The following POMT1 variants were observed in gnomAD, a reference collection of about 807,000 sequenced individuals.
The protein encoded by POMT1 is protein O-mannosyltransferase 1, also known as protein O-mannosyl-transferase 1.
POMT1 carries 85 observed loss-of-function variants against 101.6 expected under a neutral mutation model. The ratio of observed to expected loss-of-function variants is 0.84; its 90% CI spans 0.70 to 1.00. POMT1 has a LOEUF of 1.00. Ranked by LOEUF, POMT1 falls within the 50% of genes least tolerant of loss-of-function variation. POMT1 has a pLI of 0.00. For synonymous variants in POMT1, 371 were observed against 383.0 expected (o/e 0.97, Z 0.37); for missense variants, 857 against 930.4 (o/e 0.92, Z 1.03).
In POMT1 at chr9:131,503,551, C is replaced by T. The variant is rs1280172822; in HGVS notation, c.-31+478C>T. ...CCAGCGGGGCGCCAACGGCCAGATG[C>T]GGCTTTGGTGTGAGACAGGGTGTCC... On this transcript the variant is annotated intron_variant, in intron 1 of 19. Transcript: ENST00000402686. The surrounding 1 kb of genome is among the most constrained non-coding windows in gnomAD (Gnocchi z 4.4). Among the ~76,000 whole-genome samples, 3 of 152,164 alleles carry T rather than the reference C, an allele frequency of 2.0e-5. No individual in the cohort carries two copies. The East Asian group carries it at 5.8e-4, about 29-fold the overall frequency.
intron 2 of POMT1, among the ~76,000 whole-genome samples, chr9:131,504,755 A>ATG (rs1049729805): frequency 0.019 from 2,772 of 148,830 alleles, 89 homozygotes; most frequent in African/African-American, 0.065. Context: ...TAATGTGTGT[A>ATG]TGTGTGTGTG....
chr9:131,517,516 C>T (rs1226257158), intron 13 of POMT1, among the ~76,000 whole-genome samples: 1 of 152,104 alleles, frequency 6.6e-6, no homozygotes, highest in Admixed American at 6.5e-5. Context: ...GGACTCAAGC[C>T]GTCCTCTTAC....
At position 131,520,125 on chromosome 9, in the gene POMT1, A is replaced by C. The variant is rs1949617524; in HGVS notation, c.1630A>C (p.Ser544Arg). 3 of 1,613,866 alleles carry C rather than the reference A, an allele frequency of 1.9e-6. No homozygotes were observed. Among genetic ancestry groups the C allele is most frequent in the Non-Finnish European group, 2.5e-6 (3 of 1,180,020 alleles). ...LRSDDSEHKY[S>R]SSPLEWVTLD... The stretch of plus-strand genomic sequence containing the variant: ...AAGTGATGACTCGGAACACAAGTAC[A>C]GCTCCAGCCCACTGGAGTGGGTCAC... The change falls in exon 17 of 20, where the codon AGC becomes CGC. Residue 544 changes from serine (S) to arginine (R), a missense_variant. Ser to Arg is a moderately radical substitution (Grantham distance 110). Transcript: ENST00000402686.
chr9:131,504,793 T>TGTGTGTG (rs1945412352), intron 2 of POMT1, among the ~76,000 whole-genome samples: 1 of 72,154 alleles, frequency 1.4e-5, no homozygotes, highest in African/African-American at 4.1e-5. Flanking sequence ...GTGTGTGTGT[T>TGTGTGTG]TTTGAGACGG....
At position 131,503,671 on chromosome 9, in the gene POMT1, C is replaced by T. The variant is rs551325143; in HGVS notation, c.-30-518C>T. 6.6e-6 allele frequency among the ~76,000 whole-genome samples: 1 copy of T among 152,238 alleles called. No individual in the cohort carries two copies. Among genetic ancestry groups the T allele is most frequent in the South Asian group, 2.1e-4 (1 of 4,822 alleles). On this transcript the variant is annotated intron_variant, in intron 1 of 19. Transcript: ENST00000402686. The surrounding 1 kb of genome is among the most constrained non-coding windows in gnomAD (Gnocchi z 4.4). ...GCAGGGTGCAAATGCACCCTCCAGGCGAGAAAGGGAGCACCCGGGGATGAT... is the reference window on the plus strand; with the variant it reads ...GCAGGGTGCAAATGCACCCTCCAGGTGAGAAAGGGAGCACCCGGGGATGAT...
intron 18 of POMT1, 89 bp from the exon 19 acceptor site, chr9:131,521,958 A>G: frequency 1.3e-6 from 2 of 1,596,136 alleles, no homozygotes; most frequent in Admixed American, 1.7e-5. Context: ...GCAACATAGT[A>G]AGAACCCTCT....
intron 12 of POMT1, 32 bp from the exon 13 acceptor site, chr9:131,515,394 A>G: frequency 6.2e-7 from 1 of 1,604,988 alleles, no homozygotes; most frequent in South Asian, 1.1e-5. Flanking sequence ...GAGTTCAAGG[A>G]ATTTTCTGAA....
chr9:131,520,029 A>T, intron 16 of POMT1, 51 bp from the exon 17 acceptor site: 3 of 1,464,910 alleles, frequency 2.0e-6, no homozygotes, highest in Non-Finnish European at 2.9e-6. Context: ...ATCCACGCAC[A>T]GCGGGAGGCA....
chr9:131,523,609 G>T lies in POMT1; in HGVS notation c.*503G>T, dbSNP rs1165403282. 9.1e-6 allele frequency: 2 copies of T among 219,636 alleles called. No individual in the cohort carries two copies. The highest frequency in any genetic ancestry group is 1.8e-5 in the Non-Finnish European group (2 of 108,616). 13.6% of individuals were successfully genotyped at this position (219,636 alleles called of 1,614,324 possible). ...ACCTGAACCACGAGCCAGGGCTGGG[G>T]CTTGCATGTCATTGTCTATGACAGC... On this transcript the variant is annotated 3_prime_UTR_variant, in exon 20 of 20. Transcript: ENST00000402686.
In POMT1 at chr9:131,523,474, A is replaced by C; in HGVS notation, c.*368A>C. 3.0e-6 allele frequency: 1 copy of C among 330,718 alleles called. No homozygotes were observed. The allele number at this position is 330,718 out of a possible 1,614,324, so 20.5% of individuals were successfully genotyped here. Reference sequence around the variant, plus strand: ...GCTAACTGCTGCAGGGTGGAGTTTGATCTGGCAGACCCGATCCTCCTTCAT... The same window carrying C: ...GCTAACTGCTGCAGGGTGGAGTTTGCTCTGGCAGACCCGATCCTCCTTCAT... On this transcript the variant is annotated 3_prime_UTR_variant, in exon 20 of 20. Coordinates refer to ENST00000402686, the MANE Select transcript of POMT1 (RefSeq NM_001077365.2).
At chr9:131,504,399 C>T in intron 2 of POMT1, 59 bp downstream of exon 2, 2 of 1,612,760 alleles carry the variant, frequency 1.2e-6, no homozygotes, top group South Asian at 2.2e-5. Context: ...TGACAGGAGG[C>T]GCCCTTACTG....
In POMT1 at chr9:131,502,977, G is replaced by T. The variant is rs866051458; in HGVS notation, c.-127G>T. The T allele has an allele frequency of 6.6e-6, 1 of 152,314 alleles. No homozygotes were observed. Among genetic ancestry groups the T allele is most frequent in the Non-Finnish European group, 1.5e-5 (1 of 68,116 alleles). The allele number at this position is 152,314 out of a possible 1,614,324, so 9.4% of individuals were successfully genotyped here. A position where few individuals can be genotyped will look rare whatever the true frequency, so the allele number is the denominator to read the frequency against. On this transcript the variant is annotated 5_prime_UTR_variant, in exon 1 of 20. Transcript: ENST00000402686. ...AGCAGGGCGGTGGGTGGTGCGGAGT[G>T]CCGAGCGGCCTCACCCCCAACCGTC...
intron 13 of POMT1, 65 bp from the exon 14 acceptor site, chr9:131,518,380 C>A: frequency 7.3e-7 from 1 of 1,364,356 alleles, no homozygotes; most frequent in South Asian, 1.2e-5. Context: ...GGTGACAGGT[C>A]TTTATTTTTA....
rs919829316 is a variant in POMT1 at position 131,509,938 on chromosome 9, T to C, written c.641T>C (p.Val214Ala). The stretch of plus-strand genomic sequence containing the variant: ...ATGGGTGTGTTCACGTACGTGCTCG[T>C]GCTGGGTGTTGCAGCTGTCCATGCC... The part of the protein sequence containing the change: ...KYMGVFTYVL[V>A]LGVAAVHAWH... The change falls in exon 8 of 20, where the codon GTG becomes GCG. Residue 214 changes from valine to alanine, a missense_variant. By Grantham distance (64) the Val-to-Ala change is moderately conservative. Coordinates refer to ENST00000402686, the MANE Select transcript of POMT1 (RefSeq NM_001077365.2). The C allele has an allele frequency of 1.9e-6, 3 of 1,614,242 alleles. No individual in the cohort carries two copies. The highest frequency in any genetic ancestry group is 2.2e-5 in the East Asian group (1 of 44,876).
intron 14 of POMT1, 36 bp from the exon 15 acceptor site, chr9:131,518,801 C>T (rs1254933309): frequency 1.2e-6 from 2 of 1,613,714 alleles, no homozygotes; most frequent in East Asian, 2.2e-5. Flanking sequence ...CCACGGCCTT[C>T]CCATCACGCC....
chr9:131,507,319 A>G (rs766477515), intron 4 of POMT1, 49 bp from the exon 5 acceptor site: 2 of 1,612,876 alleles, frequency 1.2e-6, no homozygotes, highest in Non-Finnish European at 1.7e-6. Flanking sequence ...GTACACAGAG[A>G]TGGTGTGTGC....
chr9:131,510,578 C>A, intron 9 of POMT1, 163 bp downstream of exon 9: 2 of 1,001,902 alleles, frequency 2.0e-6, no homozygotes, highest in Non-Finnish European at 3.0e-6. Context: ...CTTACTCTGT[C>A]ACCCAAACTC....
chr9:131,504,218 G>C lies in POMT1; in HGVS notation c.-1G>C, dbSNP rs1191128714. 5 of 1,613,994 alleles carry C rather than the reference G, an allele frequency of 3.1e-6. No homozygotes were observed. Among genetic ancestry groups the C allele is most frequent in the Non-Finnish European group, 4.2e-6 (5 of 1,180,018 alleles). ...TCTGCCTGAGCCCGCTTTTCTACAA[G>C]ATGTGGGGATTTTTGAAGCGCCCTG... is the stretch of plus-strand genomic sequence containing the variant. On this transcript the variant is annotated 5_prime_UTR_variant, in exon 2 of 20. Transcript: ENST00000402686.
intron 13 of POMT1, among the ~76,000 whole-genome samples, chr9:131,516,031 G>A (rs1449641517): frequency 3.3e-5 from 3 of 90,446 alleles, no homozygotes; most frequent in Non-Finnish European, 6.6e-5. Flanking sequence ...CTCACACGGA[G>A]CACTTCCTCA....
Sources: gnomAD v4.1 joint callset for allele counts (sites outside exome capture counted in the v4.1 genomes callset) on GRCh38, gnomAD v4.1.1 for gene constraint, Gnocchi (gnomAD v3.1) non-coding constraint, MANE v1.5 for transcripts, NCBI Gene and HGNC (gene_info 2026-07-23, HGNC 2026-07-21) for gene names.